FOXO3: variants seen among roughly 807,000 people sequenced by gnomAD.
FOXO3 encodes the protein forkhead box O3.
Under a neutral mutation model 41.9 loss-of-function variants are expected in FOXO3, and 4 were observed. The ratio of observed to expected loss-of-function variants is 0.10; its 90% CI spans 0.05 to 0.22. The LOEUF (loss-of-function observed/expected upper bound fraction) is 0.22. Among genes scored for constraint, FOXO3 ranks in the 10% least tolerant of loss-of-function variants. The probability of loss-of-function intolerance (pLI) is 1.00; values close to 1 mark genes in which losing one functional copy is unlikely to be tolerated. For missense variants in FOXO3, 534 were observed against 906.8 expected (o/e 0.59, Z 5.28); for synonymous variants, 318 against 389.3 (o/e 0.82, Z 2.16).
upstream of FOXO3, chr6:108,560,801 TC>T: frequency 1.4e-5 from 5 of 344,918 alleles, no homozygotes; most frequent in Non-Finnish European, 2.4e-5. Flanking sequence ...CTCCCCCTTC[TC>T]CCCGCCCCGC....
At chr6:108,594,710 C>T (rs955134999) in intron 1 of FOXO3, among the ~76,000 whole-genome samples, 1 of 152,194 alleles carries the variant, frequency 6.6e-6, no homozygotes, top group Non-Finnish European at 1.5e-5. Context: ...GCCCCATGGC[C>T]CTGTGGGTCT....
intron 1 of FOXO3, among the ~76,000 whole-genome samples, chr6:108,646,392 G>T (rs532927594): frequency 2.6e-4 from 40 of 152,288 alleles, no homozygotes; most frequent in Non-Finnish European, 5.3e-4. Flanking sequence ...CAAAGGTTGT[G>T]TGCAGTATCA....
At chr6:108,653,969 C>G (rs1326379958) in intron 1 of FOXO3, among the ~76,000 whole-genome samples, 11 of 152,160 alleles carry the variant, frequency 7.2e-5, no homozygotes, top group Admixed American at 7.2e-4. Flanking sequence ...GAAACAGATT[C>G]AATAACATCA....
intron 2 of FOXO3, among the ~76,000 whole-genome samples, chr6:108,668,217 G>T (rs532187614): frequency 1.2e-4 from 18 of 152,312 alleles, no homozygotes; most frequent in East Asian, 9.6e-4. Flanking sequence ...TTAATGGAGC[G>T]GTCTGCTCAG....
At chr6:108,670,999 T>A (rs1779201636) in intron 2 of FOXO3, among the ~76,000 whole-genome samples, 1 of 152,206 alleles carries the variant, frequency 6.6e-6, no homozygotes, top group African/African-American at 2.4e-5. Flanking sequence ...CCTTAAAGAA[T>A]GCGTGGCCTA....
chr6:108,592,068 G>A (rs997020386), intron 1 of FOXO3, among the ~76,000 whole-genome samples: 13 of 152,160 alleles, frequency 8.5e-5, no homozygotes, highest in South Asian at 2.1e-4. Flanking sequence ...TTCTAGAAAA[G>A]GCAAAACTAA....
At chr6:108,678,982 CT>C in intron 2 of FOXO3, among the ~76,000 whole-genome samples, 1 of 151,178 alleles carries the variant, frequency 6.6e-6, no homozygotes, top group Non-Finnish European at 1.5e-5. Context: ...CGCCATTCTC[CT>C]GCCTCAGCCT....
At chr6:108,633,780 A>G (rs1778039779) in intron 1 of FOXO3, among the ~76,000 whole-genome samples, 1 of 152,002 alleles carries the variant, frequency 6.6e-6, no homozygotes, top group Non-Finnish European at 1.5e-5. Flanking sequence ...GAGAAACTGG[A>G]CTAATGAATG....
intron 1 of FOXO3, among the ~76,000 whole-genome samples, chr6:108,581,854 A>G (rs1776430219): frequency 6.6e-6 from 1 of 152,140 alleles, no homozygotes; most frequent in Non-Finnish European, 1.5e-5. Context: ...TTCCCCCATT[A>G]TCTCCCTTTC....
chr6:108,590,242 G>T (rs1192191336), intron 1 of FOXO3, among the ~76,000 whole-genome samples: 1 of 151,792 alleles, frequency 6.6e-6, no homozygotes, highest in African/African-American at 2.4e-5. Flanking sequence ...TGCCACCTCA[G>T]CCTCCTGAGT....
chr6:108,578,128 G>A (rs534268099), intron 1 of FOXO3, among the ~76,000 whole-genome samples: 1 of 152,158 alleles, frequency 6.6e-6, no homozygotes, highest in African/African-American at 2.4e-5. Flanking sequence ...GAAGGTAATG[G>A]TTCTCCAAGT....
chr6:108,613,120 T>C (rs1777408506), intron 1 of FOXO3, among the ~76,000 whole-genome samples: 1 of 152,252 alleles, frequency 6.6e-6, no homozygotes, highest in Non-Finnish European at 1.5e-5. Context: ...CACCTGGTCT[T>C]GATATGTTAC....
At chr6:108,654,046 C>T (rs1778617384) in intron 1 of FOXO3, among the ~76,000 whole-genome samples, 1 of 152,190 alleles carries the variant, frequency 6.6e-6, no homozygotes, top group African/African-American at 2.4e-5. Context: ...CTTTCTGGGA[C>T]TGTCATCTCG....
intron 1 of FOXO3, among the ~76,000 whole-genome samples, chr6:108,569,473 G>A (rs1776032389): frequency 6.6e-6 from 1 of 152,226 alleles, no homozygotes; most frequent in African/African-American, 2.4e-5. Flanking sequence ...ATTGGAGTGT[G>A]TTTCAAGCCA....
intron 1 of FOXO3, among the ~76,000 whole-genome samples, chr6:108,581,600 A>G (rs1193691103): frequency 1.3e-5 from 2 of 152,182 alleles, no homozygotes; most frequent in Non-Finnish European, 2.9e-5. Flanking sequence ...CAAGTGAACC[A>G]CTGCAGTTCT....
chr6:108,660,016 A>T (rs1778797375), intron 1 of FOXO3, among the ~76,000 whole-genome samples: 1 of 152,222 alleles, frequency 6.6e-6, no homozygotes, highest in South Asian at 2.1e-4. Context: ...TTGACTGGTC[A>T]TTCTAGTTAA....
intron 1 of FOXO3, among the ~76,000 whole-genome samples, chr6:108,566,062 A>G (rs992286199): frequency 2.6e-5 from 4 of 152,120 alleles, no homozygotes; most frequent in Admixed American, 2.6e-4. Context: ...AGTGATTCTC[A>G]ACTAATATAC....
chr6:108,566,014 G>T (rs1582726551), intron 1 of FOXO3, among the ~76,000 whole-genome samples: 1 of 152,252 alleles, frequency 6.6e-6, no homozygotes, highest in East Asian at 1.9e-4. Flanking sequence ...TTGCCAAAAT[G>T]TCGTTTTGTA....
chr6:108,661,705 G>A (rs1361014553), intron 1 of FOXO3, among the ~76,000 whole-genome samples: 1 of 152,174 alleles, frequency 6.6e-6, no homozygotes, highest in Non-Finnish European at 1.5e-5. Flanking sequence ...AGTTGTTGCA[G>A]ACAAATTAGA....
Sources: gnomAD v4.1 joint callset for allele counts (sites outside exome capture counted in the v4.1 genomes callset) on GRCh38, gnomAD v4.1.1 for gene constraint, MANE v1.5 for transcripts, NCBI Gene and HGNC (gene_info 2026-07-23, HGNC 2026-07-21) for gene names.